Variants in EXOC6B observed in about 807,000 individuals in gnomAD.
EXOC6B encodes the protein SEC15 homolog B.
In EXOC6B, 54 loss-of-function variants were observed where a neutral mutation model predicts 113.5. That is an observed-to-expected ratio of 0.48 (90% CI 0.38 to 0.60). The LOEUF is 0.60. EXOC6B is among the 20% of genes least tolerant of loss of function. EXOC6B has a pLI of 0.00. For missense variants in EXOC6B, 797 were observed against 977.5 expected (o/e 0.82, Z 2.46); for synonymous variants, 357 against 339.0 (o/e 1.05, Z -0.58).
chr2:72,520,484 T>C (rs1356555597), intron 8 of EXOC6B, among the ~76,000 whole-genome samples: 1 of 152,222 alleles, frequency 6.6e-6, no homozygotes, highest in Non-Finnish European at 1.5e-5. Context: ...ATTTTTAGGA[T>C]GATGTTCTTT....
intron 6 of EXOC6B, among the ~76,000 whole-genome samples, chr2:72,708,723 C>A (rs185256942): frequency 6.6e-6 from 1 of 151,820 alleles, no homozygotes; most frequent in African/African-American, 2.4e-5. Flanking sequence ...CTTTACTATA[C>A]GTAATTTAAA....
rs76120347 is a variant in EXOC6B at position 72,318,225 on chromosome 2, TA to T, written c.2196+16721del. On this transcript the variant is annotated intron_variant, in intron 20 of 21. Coordinates refer to ENST00000272427, the MANE Select transcript of EXOC6B (RefSeq NM_015189.3). ...TTTTATAAAAAATTAAAAACCGAAA[TA>T]AAACTAAGAAACAACATCAGTTCCT... Among the ~76,000 whole-genome samples the T allele has an allele frequency of 2.0e-5, 3 of 152,176 alleles. No individual in the cohort carries two copies. The East Asian group carries it at 5.8e-4, about 29-fold the overall frequency.
intron 1 of EXOC6B, among the ~76,000 whole-genome samples, chr2:72,792,350 C>T (rs146728930): frequency 6.6e-6 from 1 of 152,258 alleles, no homozygotes; most frequent in East Asian, 1.9e-4. Context: ...TCCGCTTATC[C>T]TAACTGAATC....
chr2:72,558,825 G>T (rs770266231), intron 8 of EXOC6B, among the ~76,000 whole-genome samples: 1 of 151,798 alleles, frequency 6.6e-6, no homozygotes, highest in Non-Finnish European at 1.5e-5. Flanking sequence ...AAGAGACTGG[G>T]CAATAAGACA....
chr2:72,647,379 T>A (rs1252230344), intron 6 of EXOC6B, among the ~76,000 whole-genome samples: 1 of 152,062 alleles, frequency 6.6e-6, no homozygotes, highest in Non-Finnish European at 1.5e-5. Context: ...TTCAATGCCA[T>A]CCCCATCAAG....
intron 19 of EXOC6B, among the ~76,000 whole-genome samples, chr2:72,362,763 T>G (rs1307943796): frequency 6.6e-6 from 1 of 152,146 alleles, no homozygotes; most frequent in Non-Finnish European, 1.5e-5. Flanking sequence ...ACAAATCTAA[T>G]ACAGTCACCC....
intron 6 of EXOC6B, among the ~76,000 whole-genome samples, chr2:72,707,301 A>C (rs910409489): frequency 6.6e-6 from 1 of 152,176 alleles, no homozygotes; most frequent in African/African-American, 2.4e-5. Context: ...ACACAGCTTT[A>C]TATGAGATTT....
At chr2:72,188,754 C>T (rs890136128) in intron 20 of EXOC6B, among the ~76,000 whole-genome samples, 4 of 152,154 alleles carry the variant, frequency 2.6e-5, no homozygotes, top group African/African-American at 9.7e-5. Flanking sequence ...CACTAATATT[C>T]CTTTTTTATT....
chr2:72,519,770 C>A (rs886165572), intron 8 of EXOC6B, among the ~76,000 whole-genome samples: 1 of 152,116 alleles, frequency 6.6e-6, no homozygotes, highest in African/African-American at 2.4e-5. Flanking sequence ...TAATTGATGA[C>A]TTCCAAGTGC....
chr2:72,227,371 C>A (rs1236128957), intron 20 of EXOC6B, among the ~76,000 whole-genome samples: 1 of 152,056 alleles, frequency 6.6e-6, no homozygotes, highest in Non-Finnish European at 1.5e-5. Context: ...TCACTACACA[C>A]TAGTAAAAGA....
chr2:72,240,650 A>G (rs947641872), intron 20 of EXOC6B, among the ~76,000 whole-genome samples: 4 of 152,174 alleles, frequency 2.6e-5, no homozygotes, highest in African/African-American at 9.7e-5. Flanking sequence ...CTGGCCTACA[A>G]TCATCTGCTG....
chr2:72,434,132 G>A (rs766421451), intron 18 of EXOC6B, among the ~76,000 whole-genome samples: 58 of 152,162 alleles, frequency 3.8e-4, no homozygotes, highest in African/African-American at 1.3e-3. Context: ...GAATTTTATC[G>A]AAGGCCTTTT....
At chr2:72,550,923 T>TA (rs199634289) in intron 8 of EXOC6B, among the ~76,000 whole-genome samples, 3,556 of 148,822 alleles carry the variant, frequency 0.024, 155 homozygotes, top group African/African-American at 0.082. Context: ...TTTTTTATTT[T>TA]TTTTTTTTTT....
At chr2:72,420,699 G>A (rs1347783757) in intron 18 of EXOC6B, among the ~76,000 whole-genome samples, 2 of 152,128 alleles carry the variant, frequency 1.3e-5, no homozygotes, top group East Asian at 1.9e-4. Flanking sequence ...GTAAACATAC[G>A]TGTGCATGTG....
intron 20 of EXOC6B, among the ~76,000 whole-genome samples, chr2:72,200,192 C>T (rs1466901273): frequency 6.6e-6 from 1 of 152,068 alleles, no homozygotes; most frequent in Non-Finnish European, 1.5e-5. Flanking sequence ...CCACTGCACC[C>T]GGCTTGAGAG....
intron 18 of EXOC6B, among the ~76,000 whole-genome samples, chr2:72,399,023 GA>G (rs1452991572): frequency 7.2e-6 from 1 of 138,536 alleles, no homozygotes; most frequent in Non-Finnish European, 1.5e-5. Flanking sequence ...AAAAAAAAAA[GA>G]AAAAAATTAT....
chr2:72,304,860 T>C (rs1343848881), intron 20 of EXOC6B, among the ~76,000 whole-genome samples: 1 of 152,112 alleles, frequency 6.6e-6, no homozygotes, highest in African/African-American at 2.4e-5. Flanking sequence ...TTCAGTAAGA[T>C]TGGGGCTAGG....
chr2:72,815,347 T>C (rs1686169864), intron 1 of EXOC6B, among the ~76,000 whole-genome samples: 1 of 151,626 alleles, frequency 6.6e-6, no homozygotes, highest in South Asian at 2.1e-4. Context: ...AAAAATTAGC[T>C]GGACGTGGTG....
At chr2:72,660,616 G>C (rs1168824294) in intron 6 of EXOC6B, among the ~76,000 whole-genome samples, 1 of 152,166 alleles carries the variant, frequency 6.6e-6, no homozygotes, top group Non-Finnish European at 1.5e-5. Context: ...GTGTGATTTA[G>C]CTCATTTCCT....
Sources: allele counts gnomAD v4.1 joint callset (sites outside exome capture counted in the v4.1 genomes callset), GRCh38; gene constraint gnomAD v4.1.1; transcripts MANE v1.5; gene names NCBI Gene and HGNC (gene_info 2026-07-23, HGNC 2026-07-21).